The following LHFPL3 variants were observed in gnomAD, a reference collection of about 807,000 sequenced individuals.
LHFPL3 encodes LHFPL tetraspan subfamily member 3.
LHFPL3 carries 5 observed loss-of-function variants against 19.3 expected under a neutral mutation model. The ratio of observed to expected loss-of-function variants is 0.26; its 90% confidence interval spans 0.14 to 0.54. The LOEUF is 0.54. Ranked by LOEUF, LHFPL3 falls within the 20% of genes least tolerant of loss-of-function variation. The pLI is 0.94. For synonymous variants in LHFPL3, 133 were observed against 126.2 expected (o/e 1.05, Z -0.36); for missense variants, 249 against 307.4 (o/e 0.81, Z 1.42).
intron 1 of LHFPL3, among the ~76,000 whole-genome samples, chr7:104,541,146 AC>A (rs1794479262): frequency 7.1e-6 from 1 of 141,544 alleles, no homozygotes; most frequent in East Asian, 2.0e-4. Flanking sequence ...ACACACACAC[AC>A]AACCCTGTGG....
chr7:104,692,289 G>T (rs1792919449), intron 1 of LHFPL3, among the ~76,000 whole-genome samples: 1 of 152,186 alleles, frequency 6.6e-6, no homozygotes, highest in Non-Finnish European at 1.5e-5. Flanking sequence ...CCCATTTTTT[G>T]AGAAGAAATT....
chr7:104,448,386 A>G (rs1792371182), intron 1 of LHFPL3, among the ~76,000 whole-genome samples: 1 of 152,338 alleles, frequency 6.6e-6, no homozygotes, highest in East Asian at 1.9e-4. Context: ...ACAGTACATT[A>G]TATGAAGACC....
At chr7:104,546,885 A>T (rs182544998) in intron 1 of LHFPL3, among the ~76,000 whole-genome samples, 8 of 152,354 alleles carry the variant, frequency 5.3e-5, no homozygotes, top group African/African-American at 1.9e-4. Context: ...AAGCCTGTTA[A>T]TGGGATTTAG....
chr7:104,902,991 T>G (rs1792521231), intron 2 of LHFPL3, among the ~76,000 whole-genome samples: 2 of 152,100 alleles, frequency 1.3e-5, no homozygotes, highest in Admixed American at 1.3e-4. Flanking sequence ...TCCCGGAACC[T>G]TCCTGTAAGA....
intron 2 of LHFPL3, chr7:104,803,921 G>A (rs1790304114): frequency 1.3e-5 from 2 of 152,122 alleles, no homozygotes; most frequent in Admixed American, 1.3e-4. Flanking sequence ...ATTAATGTCA[G>A]GCTTCTGTCA....
intron 1 of LHFPL3, among the ~76,000 whole-genome samples, chr7:104,390,936 G>A (rs1791053054): frequency 6.6e-6 from 1 of 152,214 alleles, no homozygotes; most frequent in South Asian, 2.1e-4. Flanking sequence ...GATGGCCAGT[G>A]ATGATGAGCA....
intron 1 of LHFPL3, among the ~76,000 whole-genome samples, chr7:104,366,645 C>T (rs181039544): frequency 6.6e-6 from 1 of 152,288 alleles, no homozygotes; most frequent in Non-Finnish European, 1.5e-5. Context: ...CTAACTGTTG[C>T]CAGCTGTGCC....
chr7:104,881,801 T>C (rs890685445), intron 2 of LHFPL3, among the ~76,000 whole-genome samples: 5 of 152,220 alleles, frequency 3.3e-5, no homozygotes, highest in Non-Finnish European at 7.3e-5. Flanking sequence ...GGAAACTTCC[T>C]TGTGGTCTTA....
chr7:104,863,010 C>T (rs777739593), intron 2 of LHFPL3, among the ~76,000 whole-genome samples: 2 of 152,156 alleles, frequency 1.3e-5, no homozygotes, highest in Non-Finnish European at 2.9e-5. Context: ...CAGATGTGGA[C>T]GGCAGAGCCC....
intron 1 of LHFPL3, among the ~76,000 whole-genome samples, chr7:104,619,801 C>T (rs1415182399): frequency 6.6e-6 from 1 of 152,098 alleles, no homozygotes; most frequent in African/African-American, 2.4e-5. Flanking sequence ...ATCTTTTTGG[C>T]ACCAGGGACT....
intron 1 of LHFPL3, among the ~76,000 whole-genome samples, chr7:104,568,264 A>T (rs985778411): frequency 3.9e-5 from 6 of 152,218 alleles, no homozygotes; most frequent in African/African-American, 1.2e-4. Flanking sequence ...TCTGATGTGC[A>T]ATCATAGTTA....
chr7:104,885,726 GTCAC>G (rs1372930655), intron 2 of LHFPL3, among the ~76,000 whole-genome samples: 1 of 151,988 alleles, frequency 6.6e-6, no homozygotes, highest in Non-Finnish European at 1.5e-5. Context: ...CAGTCTTCTT[GTCAC>G]TCACTCACTC....
chr7:104,525,699 T>G (rs551983660), intron 1 of LHFPL3, among the ~76,000 whole-genome samples: 1 of 151,030 alleles, frequency 6.6e-6, no homozygotes, highest in Non-Finnish European at 1.5e-5. Flanking sequence ...CTCCGCCTCC[T>G]GGGTTCAAGT....
intron 1 of LHFPL3, among the ~76,000 whole-genome samples, chr7:104,578,038 A>T (rs1790376097): frequency 6.6e-6 from 1 of 152,196 alleles, no homozygotes; most frequent in South Asian, 2.1e-4. Context: ...TGTCAGGAAG[A>T]ATGGTATCCA....
intron 1 of LHFPL3, among the ~76,000 whole-genome samples, chr7:104,592,509 C>A (rs1439804364): frequency 6.6e-6 from 1 of 152,076 alleles, no homozygotes; most frequent in Non-Finnish European, 1.5e-5. Context: ...AGGTGTCAGT[C>A]GGCCCCTACT....
chr7:104,854,071 G>T (rs948739814), intron 2 of LHFPL3, among the ~76,000 whole-genome samples: 1 of 152,152 alleles, frequency 6.6e-6, no homozygotes, highest in African/African-American at 2.4e-5. Context: ...TAAAAGACAG[G>T]TTAACAAGAT....
intron 2 of LHFPL3, among the ~76,000 whole-genome samples, chr7:104,792,503 G>T (rs546067700): frequency 6.6e-6 from 1 of 152,236 alleles, no homozygotes; most frequent in East Asian, 1.9e-4. Flanking sequence ...TTCACTATTG[G>T]CTCTTACAGT....
At chr7:104,421,626 A>G (rs1316883714) in intron 1 of LHFPL3, among the ~76,000 whole-genome samples, 1 of 152,214 alleles carries the variant, frequency 6.6e-6, no homozygotes, top group Non-Finnish European at 1.5e-5. Flanking sequence ...ACAGCTGTCA[A>G]CACTGGAGAT....
intron 1 of LHFPL3, among the ~76,000 whole-genome samples, chr7:104,358,693 T>C (rs1427034412): frequency 6.6e-6 from 1 of 152,226 alleles, no homozygotes; most frequent in Non-Finnish European, 1.5e-5. Flanking sequence ...TAGAGCATGC[T>C]GATTGGGAAG....
Sources: gnomAD v4.1 joint callset for allele counts (sites outside exome capture counted in the v4.1 genomes callset) on GRCh38, gnomAD v4.1.1 for gene constraint, MANE v1.5 for transcripts, NCBI Gene and HGNC (gene_info 2026-07-23, HGNC 2026-07-21) for gene names.